NRAP: variants seen among roughly 807,000 people sequenced by gnomAD.
The protein encoded by NRAP is nebulin-related-anchoring protein.
NRAP carries 189 observed loss-of-function variants against 225.9 expected under a neutral mutation model. That is an observed-to-expected ratio of 0.84 (90% CI 0.74 to 0.94). NRAP has a LOEUF of 0.94. NRAP is among the 40% of genes least tolerant of loss of function. NRAP has a pLI of 0.00. For missense variants in NRAP, 2,176 were observed against 2,168.7 expected, an observed-to-expected ratio of 1.00 and a Z score of -0.07; for synonymous variants, 769 against 790.7, an observed-to-expected ratio of 0.97 and a Z score of 0.46.
chr10:113,633,406 G>C (rs1477901103), intron 15 of NRAP, among the ~76,000 whole-genome samples: 1 of 152,226 alleles, frequency 6.6e-6, no homozygotes, highest in African/African-American at 2.4e-5. Context: ...GAAGTTGTGA[G>C]TTTGCAAAAG....
In NRAP at chr10:113,626,078, T is replaced by C; in HGVS notation, c.2213A>G (p.His738Arg). The C allele has an allele frequency of 1.2e-6, 2 of 1,612,744 alleles. No individual in the cohort carries two copies. Among genetic ancestry groups the C allele is most frequent in the Non-Finnish European group, 1.7e-6 (2 of 1,179,594 alleles). The change falls in exon 21 of 42, where the codon CAC becomes CGC. Residue 738 changes from histidine (H) to arginine (R), a missense_variant. Physicochemically the swap from His to Arg is conservative, Grantham distance 29 (BLOSUM62 0). Transcript: ENST00000359988. ...CTGTAGCTCCTGGCTCTTCTTGGCGTGCTCCATCTGGGAGCTGTCGGTCAC... is the reference window on the plus strand; with the variant it reads ...CTGTAGCTCCTGGCTCTTCTTGGCGCGCTCCATCTGGGAGCTGTCGGTCAC... Reference protein sequence around the residue: ...TSVTDSSQMEHAKKSQELQSG... With the variant: ...TSVTDSSQMERAKKSQELQSG...
At chr10:113,609,072 A>T (rs1847173583) in intron 31 of NRAP, among the ~76,000 whole-genome samples, 1 of 152,344 alleles carries the variant, frequency 6.6e-6, no homozygotes, top group Non-Finnish European at 1.5e-5. Flanking sequence ...AGGCAGGAGA[A>T]TCGCTTGAAC....
rs1848199368 is a variant in NRAP, at chr10:113,624,866, A to G, written c.2309T>C (p.Leu770Pro). ...AGCATTGGCTCGGGCCTGCAGGAAGAGAGGCTCGTCTTTGCTGATGGTATA... is the reference window on the plus strand; with the variant it reads ...AGCATTGGCTCGGGCCTGCAGGAAGGGAGGCTCGTCTTTGCTGATGGTATA... ...HQYTISKDEP[L>P]FLQARANAAN... is the part of the protein sequence containing the mutation. Residue 770 changes from leucine (L) to proline (P), a missense_variant, in exon 22 of 42, where the codon CTC (leucine) becomes CCC (proline). By Grantham distance (98) the Leu-to-Pro change is moderately conservative. Around this residue, in one of 3 missense-constraint regions of NRAP, gnomAD observed 1,708 missense variants for 1,695.5 expected, o/e 1.01. Coordinates refer to ENST00000359988, the MANE Select transcript of NRAP (RefSeq NM_198060.4). The G allele has an allele frequency of 6.2e-7, 1 of 1,614,092 alleles. No individual in the cohort carries two copies. Among genetic ancestry groups the G allele is most frequent in the Non-Finnish European group, 8.5e-7 (1 of 1,179,990 alleles).
rs766899878 is a variant in NRAP, at chr10:113,589,046, G to T, written c.5122C>A (p.Gln1708Lys). Residue 1708 changes from glutamine to lysine, a missense_variant, in exon 42 of 42, where the codon CAG (glutamine) becomes AAG (lysine). Transcript: ENST00000359988. The stretch of plus-strand genomic sequence containing the variant: ...GCATCTGGGTTCACCTCCCCACTCT[G>T]ATGATCTCCAGCCTCCACTGCTTCT... ...GAEAVEAGDH[Q>K]SGEVNPDATE... is the part of the protein sequence containing the mutation. 1 of 1,613,920 alleles carries T rather than the reference G, an allele frequency of 6.2e-7. No homozygotes were observed. The highest frequency in any genetic ancestry group is 1.7e-5 in the Admixed American group (1 of 60,004).
intron 10 of NRAP, among the ~76,000 whole-genome samples, 199 bp from the exon 11 acceptor site, chr10:113,646,140 C>A (rs1245104403): frequency 1.3e-5 from 2 of 152,068 alleles, no homozygotes; most frequent in Non-Finnish European, 2.9e-5. Flanking sequence ...ATTTTCCTGG[C>A]CCTTTTCACA....
At chr10:113,609,599 T>C (rs894845788) in intron 31 of NRAP, among the ~76,000 whole-genome samples, 1 of 152,200 alleles carries the variant, frequency 6.6e-6, no homozygotes, top group Non-Finnish European at 1.5e-5. Context: ...TTCAAGCTTA[T>C]AGTAACCATT....
rs148025249 is a variant in NRAP, at chr10:113,612,432, C to A, written c.3301-1G>T. ...GTTCAAAGCCTTTCTTGTAATTCAC[C>A]TAGAGGGGCAGACAGAGCAACAGCA... On this transcript the variant is annotated splice_acceptor_variant, in intron 29 of 41. Transcript: ENST00000359988. LOFTEE classifies it high-confidence loss of function. The A allele has an allele frequency of 6.2e-7, 1 of 1,613,496 alleles. No homozygotes were observed. The highest frequency in any genetic ancestry group is 8.5e-7 in the Non-Finnish European group (1 of 1,179,632).
intron 20 of NRAP, among the ~76,000 whole-genome samples, chr10:113,627,316 G>A (rs1195089346): frequency 1.3e-5 from 2 of 152,164 alleles, no homozygotes; most frequent in African/African-American, 4.8e-5. Flanking sequence ...AGTACTTGCT[G>A]AGCAGCCAAG....
chr10:113,611,187 C>T (rs914949198), intron 30 of NRAP, among the ~76,000 whole-genome samples: 4 of 152,040 alleles, frequency 2.6e-5, no homozygotes, highest in Admixed American at 6.6e-5. Context: ...GTGAGGGCTC[C>T]GCTCAAGTGA....
intron 12 of NRAP, among the ~76,000 whole-genome samples, chr10:113,642,553 G>A (rs1849268593): frequency 6.6e-6 from 1 of 152,124 alleles, no homozygotes; most frequent in African/African-American, 2.4e-5. Flanking sequence ...CTCTCCAGGT[G>A]ACTCTGAGGG....
intron 35 of NRAP, among the ~76,000 whole-genome samples, chr10:113,603,309 G>A (rs1351278372): frequency 6.6e-6 from 1 of 152,064 alleles, no homozygotes; most frequent in Non-Finnish European, 1.5e-5. Flanking sequence ...ACCATGATGT[G>A]GGAGGGGCCA....
chr10:113,631,602 A>T lies in NRAP; in HGVS notation c.1749T>A (p.Tyr583Ter), dbSNP rs1016085333. The change falls in exon 18 of 42, where the codon TAT (tyrosine) becomes TAA (stop). Residue 583 changes from tyrosine to a stop codon, truncating the protein, a stop_gained. Transcript: ENST00000359988. LOFTEE classifies it high-confidence loss of function. ...CTTTTGTCTTTTCATATTCTTCTTT[A>T]TATTTAATCTTGAGAGAAAGAAGAA... ...ASGELASNIK[Y>*]KEEYEKTKGK... The T allele has an allele frequency of 6.2e-7, 1 of 1,600,994 alleles. No individual in the cohort carries two copies. Among genetic ancestry groups the T allele is most frequent in the South Asian group, 1.1e-5 (1 of 90,672 alleles).
intron 39 of NRAP, among the ~76,000 whole-genome samples, chr10:113,591,114 C>T (rs11575801): frequency 6.6e-6 from 1 of 152,170 alleles, no homozygotes; most frequent in African/African-American, 2.4e-5. Flanking sequence ...TGATCTACAC[C>T]CCATAGGAGG....
chr10:113,650,460 C>A lies in NRAP; in HGVS notation c.761G>T (p.Arg254Ile). 3.7e-6 allele frequency: 6 copies of A among 1,613,456 alleles called. No individual in the cohort carries two copies. The highest frequency in any genetic ancestry group is 5.1e-6 in the Non-Finnish European group (6 of 1,179,444). Residue 254 changes from arginine to isoleucine, a missense_variant, in exon 8 of 42, where the codon AGA becomes ATA. Around this residue, in one of 3 missense-constraint regions of NRAP, gnomAD observed 1,708 missense variants for 1,695.5 expected, o/e 1.01. Transcript: ENST00000359988. ...MITPAYQIAK[R>I]ANELASDVRY... ...TACATCACTTGCCAGCTCATTGGCTCTTTTGGCTATCTGATAGGCGGGTGT... is the reference window on the plus strand; with the variant it reads ...TACATCACTTGCCAGCTCATTGGCTATTTTGGCTATCTGATAGGCGGGTGT...
chr10:113,630,623 G>A (rs1236651592), intron 18 of NRAP, among the ~76,000 whole-genome samples: 1 of 152,060 alleles, frequency 6.6e-6, no homozygotes, highest in Admixed American at 6.5e-5. Context: ...CAGTCTTTTT[G>A]ACCCCCAGCT....
chr10:113,602,384 A>G (rs1400228772), intron 35 of NRAP, among the ~76,000 whole-genome samples: 2 of 152,284 alleles, frequency 1.3e-5, no homozygotes, highest in East Asian at 1.9e-4. Flanking sequence ...GGCCATTGAC[A>G]AGAGGGTCCC....
intron 32 of NRAP, 44 bp from the exon 33 acceptor site, chr10:113,606,326 C>T (rs1165032259): frequency 4.1e-6 from 5 of 1,231,254 alleles, no homozygotes; most frequent in South Asian, 2.4e-5. Flanking sequence ...GAGATAAGTG[C>T]TGTGCATTTC....
Position 113,663,832 on chromosome 10 carries a change from C to T in NRAP, c.51G>A (p.Glu17=). ...TGACCTGATCTATACAGCTGATCTTCTCGGCAGGATAAACCCCATACCCAC... is the reference window on the plus strand; with the variant it reads ...TGACCTGATCTATACAGCTGATCTTTTCGGCAGGATAAACCCCATACCCAC... The part of the protein sequence containing the change: ...SRCGYGVYPA[E]KISCIDQIWH... Residue 17 remains glutamate, a synonymous_variant, in exon 1 of 42, where the codon GAG becomes GAA. Coordinates refer to ENST00000359988, the MANE Select transcript of NRAP (RefSeq NM_198060.4). 1.2e-5 allele frequency: 19 copies of T among 1,613,784 alleles called. No homozygotes were observed. Among genetic ancestry groups the T allele is most frequent in the Non-Finnish European group, 1.6e-5 (19 of 1,179,712 alleles).
intron 25 of NRAP, 90 bp downstream of exon 25, chr10:113,620,514 G>C: frequency 1.1e-6 from 1 of 940,114 alleles, no homozygotes. Flanking sequence ...CTTTTTCTTT[G>C]CCTTTTGAGT....
Sources: gnomAD v4.1 joint callset for allele counts (sites outside exome capture counted in the v4.1 genomes callset) on GRCh38, gnomAD v4.1.1 for gene constraint, gnomAD v4.1.1 regional missense constraint, MANE v1.5 for transcripts, NCBI Gene and HGNC (gene_info 2026-07-23, HGNC 2026-07-21) for gene names.